Variants in ESR1 observed in about 807,000 individuals in gnomAD.
ESR1 encodes estrogen receptor 1, also known as estrogen receptor.
Under a neutral mutation model 52.7 loss-of-function variants are expected in ESR1, and 12 were observed. That is an observed-to-expected ratio of 0.23 (90% confidence interval 0.15 to 0.37). The LOEUF (loss-of-function observed/expected upper bound fraction) is 0.37. Among genes scored for constraint, ESR1 ranks in the 10% least tolerant of loss-of-function variants. ESR1 has a pLI of 1.00. For missense variants in ESR1, 584 were observed against 779.7 expected, an observed-to-expected ratio of 0.75 and a Z score of 2.99; for synonymous variants, 305 against 316.8, an observed-to-expected ratio of 0.96 and a Z score of 0.39.
chr6:151,721,467 G>C (rs1781458536), intron 2 of ESR1, among the ~76,000 whole-genome samples: 1 of 152,214 alleles, frequency 6.6e-6, no homozygotes, highest in South Asian at 2.1e-4. Flanking sequence ...GATGGAGCGA[G>C]ATTCCTGGGG....
At chr6:151,887,018 G>T (rs988629700) in intron 3 of ESR1, among the ~76,000 whole-genome samples, 1 of 149,072 alleles carries the variant, frequency 6.7e-6, no homozygotes, top group East Asian at 2.0e-4. Flanking sequence ...TCCAGCCTGG[G>T]TGACGGAATG....
At chr6:151,962,577 C>T (rs1268802031) in intron 4 of ESR1, among the ~76,000 whole-genome samples, 1 of 152,184 alleles carries the variant, frequency 6.6e-6, no homozygotes, top group African/African-American at 2.4e-5. Flanking sequence ...AAACCACAAC[C>T]ACAACCAAGG....
chr6:152,038,281 A>C (rs1331592062), intron 5 of ESR1, among the ~76,000 whole-genome samples: 3 of 152,200 alleles, frequency 2.0e-5, no homozygotes, highest in African/African-American at 7.2e-5. Context: ...TGGCATGATG[A>C]TGACATGGTG....
intron 5 of ESR1, among the ~76,000 whole-genome samples, chr6:152,043,875 G>C (rs1207245077): frequency 6.6e-6 from 1 of 152,108 alleles, no homozygotes; most frequent in Non-Finnish European, 1.5e-5. Context: ...GGCTGTGCAC[G>C]TACCTTTCGT....
intron 4 of ESR1, among the ~76,000 whole-genome samples, chr6:151,988,947 A>G (rs2040766377): frequency 6.6e-6 from 1 of 152,130 alleles, no homozygotes; most frequent in African/African-American, 2.4e-5. Flanking sequence ...ACTTTTTAAA[A>G]GATTACACAC....
At chr6:152,088,161 A>G (rs1442760621) in intron 6 of ESR1, among the ~76,000 whole-genome samples, 1 of 152,206 alleles carries the variant, frequency 6.6e-6, no homozygotes, top group South Asian at 2.1e-4. Context: ...TTAAAATAAA[A>G]TGATATATAT....
At chr6:152,085,372 T>C (rs1352380564) in intron 6 of ESR1, among the ~76,000 whole-genome samples, 1 of 151,954 alleles carries the variant, frequency 6.6e-6, no homozygotes, top group Non-Finnish European at 1.5e-5. Flanking sequence ...GTGTTCTGGT[T>C]ACTGCTGCTG....
At chr6:152,049,021 G>A (rs1242138278) in intron 5 of ESR1, among the ~76,000 whole-genome samples, 1 of 152,180 alleles carries the variant, frequency 6.6e-6, no homozygotes, top group Non-Finnish European at 1.5e-5. Flanking sequence ...CTTGATGTGG[G>A]CATTTTAAAA....
chr6:151,876,743 A>G (rs530644882), intron 2 of ESR1, among the ~76,000 whole-genome samples: 8 of 152,078 alleles, frequency 5.3e-5, no homozygotes, highest in South Asian at 4.2e-4. Context: ...CATCTCATTC[A>G]CCTCCTGTCC....
chr6:151,824,727 C>T (rs573200297), intron 1 of ESR1, among the ~76,000 whole-genome samples: 1 of 152,084 alleles, frequency 6.6e-6, no homozygotes, highest in South Asian at 2.1e-4. Context: ...CCAAGGCCTC[C>T]TGGCTAACAT....
chr6:151,656,948 G>A (rs1223698898), intron 1 of ESR1, among the ~76,000 whole-genome samples: 4 of 152,122 alleles, frequency 2.6e-5, no homozygotes, highest in Non-Finnish European at 5.9e-5. Context: ...TGGGCACAAT[G>A]GTTGATACCT....
At chr6:152,081,811 G>A (rs1221254958) in intron 6 of ESR1, among the ~76,000 whole-genome samples, 1 of 152,148 alleles carries the variant, frequency 6.6e-6, no homozygotes, top group Non-Finnish European at 1.5e-5. Context: ...CGATCCCACA[G>A]AAATACAAAC....
chr6:151,895,680 G>T (rs762316920), intron 3 of ESR1, among the ~76,000 whole-genome samples: 2 of 152,160 alleles, frequency 1.3e-5, no homozygotes, highest in African/African-American at 2.4e-5. Flanking sequence ...TTTTGTTCAG[G>T]TGGTGTGTCA....
intron 2 of ESR1, among the ~76,000 whole-genome samples, chr6:151,866,114 G>A (rs533983981): frequency 1.3e-5 from 2 of 152,278 alleles, no homozygotes; most frequent in South Asian, 2.1e-4. Context: ...AGCAAATAAC[G>A]AAGAAGCTGT....
chr6:151,792,822 A>T (rs1408695466), intron 2 of ESR1, among the ~76,000 whole-genome samples: 1 of 152,196 alleles, frequency 6.6e-6, no homozygotes, highest in Non-Finnish European at 1.5e-5. Context: ...GCTGTACAAA[A>T]ATGTTTTCTT....
In ESR1 at chr6:152,099,868, G is replaced by A. The variant is rs1196475862; in HGVS notation, c.*902G>A. 6 of 397,054 alleles carry A rather than the reference G, an allele frequency of 1.5e-5. No homozygotes were observed. The highest frequency in any genetic ancestry group is 2.2e-5 in the Non-Finnish European group (5 of 225,618). 24.6% of individuals were successfully genotyped at this position (397,054 alleles called of 1,614,324 possible). On this transcript the variant is annotated 3_prime_UTR_variant, in exon 8 of 8. Transcript: ENST00000206249. ...TGGGCACTGTACTTGGATCTTCCCG[G>A]CGTGTGTGTGCCTTACACAGGGGTG... is the stretch of plus-strand genomic sequence containing the variant.
At position 152,099,109 on chromosome 6, in the gene ESR1, TTG is replaced by T; in HGVS notation, c.*144_*145del. ...GCTTTCTAGATGAGTGGCCATTCAT[TTG>T]CTTGCTCAGTTCTTAGTGGCACATC... is the stretch of plus-strand genomic sequence containing the variant. On this transcript the variant is annotated 3_prime_UTR_variant, in exon 8 of 8. Transcript: ENST00000206249. The T allele has an allele frequency of 1.4e-6, 1 of 699,232 alleles. No individual in the cohort carries two copies. Among genetic ancestry groups the T allele is most frequent in the East Asian group, 2.7e-5 (1 of 36,878 alleles). The allele number at this position is 699,232 out of a possible 1,614,324, so 43.3% of individuals were successfully genotyped here.
chr6:151,694,399 A>T (rs965008077), intron 1 of ESR1, among the ~76,000 whole-genome samples: 8 of 152,226 alleles, frequency 5.3e-5, no homozygotes, highest in African/African-American at 1.9e-4. Context: ...AAATGGGAAT[A>T]ATTACATCCG....
upstream of ESR1, among the ~76,000 whole-genome samples, chr6:151,686,567 A>G (rs1025490931): frequency 5.9e-5 from 9 of 152,334 alleles, no homozygotes; most frequent in East Asian, 3.9e-4. Flanking sequence ...GGGCACCTGT[A>G]GTCCCAGCTA....
Sources: allele counts gnomAD v4.1 joint callset (sites outside exome capture counted in the v4.1 genomes callset), GRCh38; gene constraint gnomAD v4.1.1; transcripts MANE v1.5; gene names NCBI Gene and HGNC (gene_info 2026-07-23, HGNC 2026-07-21).